Variants in TBC1D8B observed in about 807,000 individuals in gnomAD.
TBC1D8B encodes TBC1 domain family member 8B.
Under a neutral mutation model 82.9 loss-of-function variants are expected in TBC1D8B, and 75 were observed. The observed-to-expected ratio is 0.90, with a 90% CI of 0.75 to 1.10. The LOEUF (loss-of-function observed/expected upper bound fraction) is 1.10. Ranked by LOEUF, TBC1D8B falls within the 50% of genes least tolerant of loss-of-function variation. TBC1D8B has a pLI of 0.00. For synonymous variants in TBC1D8B, 276 were observed against 276.8 expected, an observed-to-expected ratio of 1.00 and a Z score of 0.03; for missense variants, 794 against 796.9, an observed-to-expected ratio of 1.00 and a Z score of 0.04.
intron 7 of TBC1D8B, among the ~76,000 whole-genome samples, chrX:106,834,287 G>A (rs34689332): frequency 0.053 from 5,893 of 110,822 alleles, 147 homozygotes; most frequent in East Asian, 0.15. Context: ...GAGCGAAGGG[G>A]GAAGCCCCTT....
chrX:106,804,208 C>T (rs1216510159), intron 1 of TBC1D8B, among the ~76,000 whole-genome samples: 1 of 111,720 alleles, frequency 9.0e-6, no homozygotes, highest in Non-Finnish European at 1.9e-5. Flanking sequence ...GCCTACCTCA[C>T]AGAGTTGAGA....
At chrX:106,855,173 A>C (rs1203905048) in intron 14 of TBC1D8B, among the ~76,000 whole-genome samples, 1 of 112,096 alleles carries the variant, frequency 8.9e-6, no homozygotes, top group Non-Finnish European at 1.9e-5. Context: ...TCAGAGATAC[A>C]AATCTGGGAA....
At chrX:106,849,440 C>G (rs1932540649) in intron 11 of TBC1D8B, 3 of 1,045,824 alleles carry the variant, frequency 2.9e-6, no homozygotes, top group Middle Eastern at 7.8e-4. Context: ...CAAAGCTTGA[C>G]CAGGATATAA....
rs1489048458 is a variant in TBC1D8B at position 106,857,125 on chromosome X, A to G, written c.2352+2829A>G. Among the ~76,000 whole-genome samples the G allele has an allele frequency of 6.3e-5, 7 of 111,259 alleles. No individual in the cohort carries two copies. In the Admixed American group the frequency reaches 6.7e-4, roughly 11 times the overall value. ...TAGGATCTTCAGAGAATTATTGAAT[A>G]ATAGCAGTAGAAGCAGGCTTCTTTG... On this transcript the variant is annotated intron_variant, in intron 14 of 20. Transcript: ENST00000357242.
chrX:106,865,857 G>C lies in TBC1D8B; in HGVS notation c.2486G>C (p.Ser829Thr), dbSNP rs1447499610. The change falls in exon 16 of 21, where the codon AGT becomes ACT. Residue 829 changes from serine to threonine, a missense_variant. Physicochemically the swap from Ser to Thr is moderately conservative, Grantham distance 58 (BLOSUM62 1). Coordinates refer to ENST00000357242, the MANE Select transcript of TBC1D8B (RefSeq NM_017752.3). ...GCPVLKHHDP[S>T]LPYLEQYQID... ...CCAGTATTGAAGCATCATGACCCCAGTCTGCCATATTTGGAACAGTATCAG... is the reference window on the plus strand; with the variant it reads ...CCAGTATTGAAGCATCATGACCCCACTCTGCCATATTTGGAACAGTATCAG... 2 of 1,208,851 alleles carry C rather than the reference G, an allele frequency of 1.7e-6. No homozygotes were observed. The highest frequency in any genetic ancestry group is 2.2e-6 in the Non-Finnish European group (2 of 894,661).
chrX:106,857,995 C>T (rs1420546355), intron 14 of TBC1D8B, among the ~76,000 whole-genome samples: 4 of 112,405 alleles, frequency 3.6e-5, no homozygotes, highest in Non-Finnish European at 3.8e-5. Context: ...CTTCAAACTG[C>T]TTTCCACAGT....
chrX:106,848,333 C>T (rs773678473), intron 11 of TBC1D8B, 30 bp downstream of exon 11: 8 of 942,119 alleles, frequency 8.5e-6, no homozygotes, highest in Non-Finnish European at 1.0e-5. Flanking sequence ...CACACATATG[C>T]ATACACACAC....
intron 14 of TBC1D8B, among the ~76,000 whole-genome samples, chrX:106,855,747 A>G (rs762203050): frequency 8.9e-6 from 1 of 112,073 alleles, no homozygotes. Context: ...GTAAAAGGGT[A>G]TGCCCATTTA....
chrX:106,835,245 A>G (rs1380337384), intron 7 of TBC1D8B, among the ~76,000 whole-genome samples: 4 of 112,453 alleles, frequency 3.6e-5, no homozygotes, highest in African/African-American at 1.3e-4. Context: ...GCCCAACACC[A>G]TGTGTAAGCC....
At chrX:106,806,114 A>G (rs769321816) in intron 1 of TBC1D8B, among the ~76,000 whole-genome samples, 47 of 112,367 alleles carry the variant, frequency 4.2e-4, no homozygotes, top group Non-Finnish European at 7.9e-4. Flanking sequence ...AATAGCAGCA[A>G]CAGAGAACTC....
chrX:106,820,913 G>A lies in TBC1D8B; in HGVS notation c.278G>A (p.Trp93Ter), dbSNP rs777314124. 2 of 1,189,287 alleles carry A rather than the reference G, an allele frequency of 1.7e-6. No homozygotes were observed. The highest frequency in any genetic ancestry group is 3.8e-5 in the South Asian group (2 of 52,029). The change falls in exon 3 of 21, where the codon TGG becomes TAG. Residue 93 changes from tryptophan to a stop codon, truncating the protein, a stop_gained. Coordinates refer to ENST00000357242, the MANE Select transcript of TBC1D8B (RefSeq NM_017752.3). LOFTEE classifies it high-confidence loss of function. ...GAAGAAATAACCAAGCATTGGGATTGGTTGGAACAAAATATTATGAAGACC... is the reference window on the plus strand; with the variant it reads ...GAAGAAATAACCAAGCATTGGGATTAGTTGGAACAAAATATTATGAAGACC... ...NREEITKHWD[W>*]LEQNIMKTLS...
Position 106,853,591 on chromosome X carries a change from G to T in TBC1D8B, c.2194G>T (p.Asp732Tyr). 8.3e-7 allele frequency: 1 copy of T among 1,209,013 alleles called. No homozygotes were observed. The highest frequency in any genetic ancestry group is 1.8e-5 in the South Asian group (1 of 56,896). The change falls in exon 13 of 21, where the codon GAT becomes TAT. Residue 732 changes from aspartate (D) to tyrosine (Y), a missense_variant. Transcript: ENST00000357242. ...SNVQQGSNVS[D>Y]EKTSHTRVDI... ...TGTTCAGCAAGGTTCAAATGTGAGT[G>T]ATGAAAAAACCAGTCATACTAGAGT... is the stretch of plus-strand genomic sequence containing the variant.
intron 14 of TBC1D8B, among the ~76,000 whole-genome samples, chrX:106,861,075 A>G (rs369093385): frequency 8.9e-6 from 1 of 111,881 alleles, no homozygotes; most frequent in East Asian, 2.8e-4. Context: ...TTATTATGCT[A>G]TGGTCCAAAG....
At chrX:106,837,438 A>G (rs1932199107) in intron 7 of TBC1D8B, among the ~76,000 whole-genome samples, 1 of 112,227 alleles carries the variant, frequency 8.9e-6, no homozygotes, top group South Asian at 3.7e-4. Context: ...AAGCACATTA[A>G]AAGATTTTTC....
At chrX:106,846,723 C>G (rs1219397434) in intron 10 of TBC1D8B, among the ~76,000 whole-genome samples, 1 of 111,251 alleles carries the variant, frequency 9.0e-6, no homozygotes, top group Non-Finnish European at 1.9e-5. Context: ...TGACATCAAA[C>G]AGTGTACTAG....
intron 7 of TBC1D8B, among the ~76,000 whole-genome samples, chrX:106,837,083 A>C (rs1371703170): frequency 8.9e-6 from 1 of 112,395 alleles, no homozygotes; most frequent in East Asian, 2.8e-4. Flanking sequence ...AGCTGAAACT[A>C]TGAAACTCTC....
chrX:106,812,977 C>A (rs772967677), intron 1 of TBC1D8B, among the ~76,000 whole-genome samples: 26 of 111,150 alleles, frequency 2.3e-4, no homozygotes, highest in African/African-American at 7.2e-4. Context: ...CCTACCTCAG[C>A]CTTCTGAGTA....
At chrX:106,869,327 T>C (rs904763228) in intron 18 of TBC1D8B, among the ~76,000 whole-genome samples, 158 bp from the exon 19 acceptor site, 9 of 112,496 alleles carry the variant, frequency 8.0e-5, no homozygotes, top group Admixed American at 4.7e-4. Context: ...GTGAAAGTTT[T>C]GGAATATTTT....
intron 7 of TBC1D8B, among the ~76,000 whole-genome samples, chrX:106,835,094 G>GT (rs1449689180): frequency 8.9e-6 from 1 of 112,280 alleles, no homozygotes; most frequent in East Asian, 2.8e-4. Context: ...TCTAGCAGAG[G>GT]TTCCCCCATG....
Sources: gnomAD v4.1 joint callset for allele counts (sites outside exome capture counted in the v4.1 genomes callset) on GRCh38, gnomAD v4.1.1 for gene constraint, MANE v1.5 for transcripts, NCBI Gene and HGNC (gene_info 2026-07-23, HGNC 2026-07-21) for gene names.